SPPL2B: variants seen among roughly 807,000 people sequenced by gnomAD.
SPPL2B encodes the protein signal peptide peptidase like 2B.
Under a neutral mutation model 59.7 loss-of-function variants are expected in SPPL2B, and 39 were observed. That is an observed-to-expected ratio of 0.65 (90% CI 0.51 to 0.85). SPPL2B has a LOEUF of 0.85. Among genes scored for constraint, SPPL2B ranks in the 40% least tolerant of loss-of-function variants. The pLI, the probability that SPPL2B is intolerant of heterozygous loss-of-function variation, is 0.00. For missense variants in SPPL2B, 865 were observed against 849.0 expected (o/e 1.02, Z -0.23); for synonymous variants, 419 against 370.8 (o/e 1.13, Z -1.49).
chr19:2,349,878 C>T (rs983501951), intron 13 of SPPL2B, among the ~76,000 whole-genome samples: 1 of 145,254 alleles, frequency 6.9e-6, no homozygotes, highest in Non-Finnish European at 1.5e-5. Flanking sequence ...TTCTCTCTCT[C>T]CACACACACT....
At chr19:2,338,599 A>C in intron 3 of SPPL2B, 153 bp from the exon 4 acceptor site, 1 of 573,410 alleles carries the variant, frequency 1.7e-6, no homozygotes. Context: ...GGGGGGCCGG[A>C]GGCTGTCAGC....
At chr19:2,338,612 C>T in intron 3 of SPPL2B, 140 bp from the exon 4 acceptor site, 1 of 584,090 alleles carries the variant, frequency 1.7e-6, no homozygotes. Context: ...CTGTCAGCTG[C>T]AGAGGGGGAG....
At chr19:2,343,830 G>A (rs974234123) in intron 9 of SPPL2B, 135 bp from the exon 10 acceptor site, 35 of 652,366 alleles carry the variant, frequency 5.4e-5, no homozygotes, top group Non-Finnish European at 9.0e-5. Context: ...TGCGTGGTGC[G>A]TCCCTGGCAC....
chr19:2,348,199 TTC>T (rs61713517), intron 13 of SPPL2B, among the ~76,000 whole-genome samples: 2 of 71,592 alleles, frequency 2.8e-5, no homozygotes, highest in Non-Finnish European at 5.1e-5. Context: ...CTTGATTCCG[TTC>T]TCTCTCCACA....
chr19:2,353,300 C>T lies in SPPL2B; in HGVS notation c.*91C>T, dbSNP rs904426105. 6.3e-6 allele frequency: 9 copies of T among 1,421,346 alleles called. No homozygotes were observed. The highest frequency in any genetic ancestry group is 5.2e-4 in the Middle Eastern group (2 of 3,880). 88.0% of individuals were successfully genotyped at this position (1,421,346 alleles called of 1,614,324 possible). A position where few individuals can be genotyped will look rare whatever the true frequency, so the allele number is the denominator to read the frequency against. The stretch of plus-strand genomic sequence containing the variant: ...TGGAGACAGACAGACAGACGCCTGT[C>T]CCCCGGGACCGAGGCCTGTGCCGTC... On this transcript the variant is annotated 3_prime_UTR_variant, in exon 15 of 15. Coordinates refer to ENST00000613503, the MANE Select transcript of SPPL2B (RefSeq NM_152988.3).
In SPPL2B at chr19:2,351,460, T is replaced by G; in HGVS notation, c.1381T>G (p.Phe461Val). ...IAYGVGLLVT[F>V]VALALMQRGQ... ...CTATGGCGTTGGCCTCCTTGTGACA[T>G]TCGTGGCACTGGCCCTGATGCAGCG... Residue 461 changes from phenylalanine to valine, a missense_variant, in exon 14 of 15, where the codon TTC becomes GTC. Transcript: ENST00000613503. 1 of 1,608,692 alleles carries G rather than the reference T, an allele frequency of 6.2e-7. No individual in the cohort carries two copies. The highest frequency in any genetic ancestry group is 8.5e-7 in the Non-Finnish European group (1 of 1,178,422).
In SPPL2B at chr19:2,328,774, A is replaced by G. The variant is rs912833027; in HGVS notation, c.65A>G (p.Gln22Arg). The G allele has an allele frequency of 6.9e-7, 1 of 1,444,002 alleles. No individual in the cohort carries two copies. Among genetic ancestry groups the G allele is most frequent in the Non-Finnish European group, 9.0e-7 (1 of 1,106,638 alleles). The allele number at this position is 1,444,002 out of a possible 1,614,324, so 89.4% of individuals were successfully genotyped here. Residue 22 changes from glutamine to arginine, a missense_variant and splice_region_variant, in exon 1 of 15, where the codon CAG (glutamine) becomes CGG (arginine). Physicochemically the swap from Gln to Arg is conservative, Grantham distance 43 (BLOSUM62 1). Transcript: ENST00000613503. ...LLAAFLLLAA[Q>R]VACEYGMVHV... The stretch of plus-strand genomic sequence containing the variant: ...GCGGCCTTTCTGCTCCTCGCGGCCC[A>G]GGTGAGCGCGGCACCGGTCCCGACG...
chr19:2,348,092 G>A (rs1425379378), intron 13 of SPPL2B, among the ~76,000 whole-genome samples: 6 of 91,118 alleles, frequency 6.6e-5, no homozygotes, highest in Non-Finnish European at 1.2e-4. Flanking sequence ...ACACTCATGC[G>A]CTGTCATTCG....
At chr19:2,340,598 G>A (rs1488691118) in intron 7 of SPPL2B, 2 of 543,050 alleles carry the variant, frequency 3.7e-6, no homozygotes, top group African/African-American at 3.8e-5. Flanking sequence ...TTTTTGTGTT[G>A]CCGTCCCTGG....
rs747391358 is a variant in SPPL2B at position 2,340,928 on chromosome 19, C to G, written c.870C>G (p.His290Gln). 1 of 1,600,192 alleles carries G rather than the reference C, an allele frequency of 6.2e-7. No individual in the cohort carries two copies. The highest frequency in any genetic ancestry group is 8.5e-7 in the Non-Finnish European group (1 of 1,178,308). The part of the protein sequence containing the change: ...RIPNNSLPYF[H>Q]KRPQARMLLL... ...CCAACAACAGCCTGCCCTACTTCCA[C>G]AAGCGCCCGCAGGCCCGTATGCTGC... The change falls in exon 8 of 15, where the codon CAC becomes CAG. Residue 290 changes from histidine (H) to glutamine (Q), a missense_variant. By Grantham distance (24) the His-to-Gln change is conservative. Coordinates refer to ENST00000613503, the MANE Select transcript of SPPL2B (RefSeq NM_152988.3).
intron 14 of SPPL2B, 136 bp from the exon 15 acceptor site, chr19:2,352,810 G>A (rs974656382): frequency 3.1e-6 from 3 of 963,210 alleles, no homozygotes; most frequent in Admixed American, 2.8e-5. Flanking sequence ...CCCCTCCTTG[G>A]GTCCAGAGCC....
chr19:2,337,478 G>T lies in SPPL2B; in HGVS notation c.222G>T (p.Leu74=). 4 of 1,612,422 alleles carry T rather than the reference G, an allele frequency of 2.5e-6. No homozygotes were observed. The highest frequency in any genetic ancestry group is 3.4e-6 in the Non-Finnish European group (4 of 1,179,156). Residue 74 remains leucine, a synonymous_variant, in exon 3 of 15, where the codon CTG becomes CTT. Transcript: ENST00000613503. The part of the protein sequence containing the change: ...FLQLRNWTAS[L]LCSAADLPAR... Reference sequence around the variant, plus strand: ...AGCTGCGCAACTGGACGGCCTCCCTGCTCTGCTCCGCAGCCGACCTCCCCG... The same window carrying T: ...AGCTGCGCAACTGGACGGCCTCCCTTCTCTGCTCCGCAGCCGACCTCCCCG...
At chr19:2,329,832 C>T (rs1968186126) in intron 1 of SPPL2B, among the ~76,000 whole-genome samples, 1 of 152,230 alleles carries the variant, frequency 6.6e-6, no homozygotes, top group African/African-American at 2.4e-5. Flanking sequence ...GGGAAGCCTG[C>T]AGCTCATTGC....
At chr19:2,349,712 G>A (rs1327892388) in intron 13 of SPPL2B, among the ~76,000 whole-genome samples, 10 of 122,606 alleles carry the variant, frequency 8.2e-5, no homozygotes, top group Admixed American at 1.6e-4. Flanking sequence ...ACACACACTC[G>A]TGTTCTCATT....
intron 13 of SPPL2B, among the ~76,000 whole-genome samples, chr19:2,347,286 G>T (rs1263378887): frequency 8.8e-6 from 1 of 113,546 alleles, no homozygotes; most frequent in South Asian, 3.5e-4. Flanking sequence ...ACTCTCATTC[G>T]CCTGATTCCG....
rs753887261 is a variant in SPPL2B at position 2,340,890 on chromosome 19, C to T, written c.840-8C>T. ...TGGGCTTGGCTCTGACTGCCCCGTG[C>T]CCCCCAGGATCCCCAACAACAGCCT... On this transcript the variant is annotated splice_polypyrimidine_tract_variant and splice_region_variant and intron_variant, in intron 7 of 14. Transcript: ENST00000613503. The T allele has an allele frequency of 1.5e-5, 24 of 1,558,988 alleles. No individual in the cohort carries two copies. Among genetic ancestry groups the T allele is most frequent in the African/African-American group, 4.1e-5 (3 of 74,052 alleles).
Position 2,339,101 on chromosome 19 carries a change from T to C in SPPL2B, c.492T>C (p.Tyr164=), listed in dbSNP as rs1169805844. 1.9e-6 allele frequency: 3 copies of C among 1,572,078 alleles called. No individual in the cohort carries two copies. The highest frequency in any genetic ancestry group is 2.4e-5 in the East Asian group (1 of 42,446). Residue 164 remains tyrosine (Y), a synonymous_variant, in exon 5 of 15, where the codon TAT becomes TAC. Transcript: ENST00000613503. ...RFGRTVRAAL[Y]APKEPVLDYN... is the part of the protein sequence containing the mutation. ...GCCGCACGGTGAGGGCGGCGCTGTATGCGCCTAAGGAGCCGGTGCTGGACT... is the reference window on the plus strand; with the variant it reads ...GCCGCACGGTGAGGGCGGCGCTGTACGCGCCTAAGGAGCCGGTGCTGGACT...
intron 1 of SPPL2B, chr19:2,330,877 T>G (rs2145135436): frequency 6.6e-6 from 1 of 152,320 alleles, no homozygotes; most frequent in Middle Eastern, 3.4e-3. Context: ...CAGAGGGACG[T>G]GAGAGAGCAG....
At position 2,352,943 on chromosome 19, in the gene SPPL2B, T is replaced by C; in HGVS notation, c.1516-3T>C. 12 of 1,612,034 alleles carry C rather than the reference T, an allele frequency of 7.4e-6. No individual in the cohort carries two copies. In the South Asian group the frequency reaches 1.3e-4, roughly 18 times the overall value. On this transcript the variant is annotated splice_polypyrimidine_tract_variant and splice_region_variant and intron_variant, in intron 14 of 14. Transcript: ENST00000613503. ...CCTCACCTCTGCCTCCCTTCTCCTG[T>C]AGAAAGTCCTACCTCCATCTCCGTG...
Sources: gnomAD v4.1 joint callset for allele counts (sites outside exome capture counted in the v4.1 genomes callset) on GRCh38, gnomAD v4.1.1 for gene constraint, MANE v1.5 for transcripts, NCBI Gene and HGNC (gene_info 2026-07-23, HGNC 2026-07-21) for gene names.